DCAF5: variants seen among roughly 807,000 people sequenced by gnomAD.
The protein encoded by DCAF5 is DDB1 and CUL4 associated factor 5, also known as DDB1- and CUL4-associated factor 5.
A neutral mutation model predicts 80.7 loss-of-function variants in DCAF5; 9 were observed. The ratio of observed to expected loss-of-function variants is 0.11; its 90% confidence interval spans 0.07 to 0.19. The LOEUF (loss-of-function observed/expected upper bound fraction) is 0.19, where lower values mean the gene tolerates loss of function less well. DCAF5 is among the 10% of genes least tolerant of loss of function. The probability of loss-of-function intolerance (pLI) is 1.00; values close to 1 mark genes in which losing one functional copy is unlikely to be tolerated. For missense variants in DCAF5, 842 were observed against 1,205.7 expected (o/e 0.70, Z 4.47); for synonymous variants, 433 against 461.9 (o/e 0.94, Z 0.80).
intron 1 of DCAF5, among the ~76,000 whole-genome samples, chr14:69,140,082 G>A (rs768836088): frequency 2.2e-4 from 33 of 151,952 alleles, no homozygotes; most frequent in Non-Finnish European, 3.5e-4. Context: ...CCTGGGCGAC[G>A]TAGAGAAATC....
intron 5 of DCAF5, among the ~76,000 whole-genome samples, chr14:69,099,299 C>CACACA (rs3223006): frequency 3.6e-5 from 5 of 138,240 alleles, no homozygotes; most frequent in African/African-American, 1.4e-4. Context: ...CACACACACA[C>CACACA]AACTAACAAA....
intron 7 of DCAF5, among the ~76,000 whole-genome samples, chr14:69,073,929 T>C (rs1465331694): frequency 6.6e-6 from 1 of 152,228 alleles, no homozygotes; most frequent in Non-Finnish European, 1.5e-5. Flanking sequence ...CCACCTCAAG[T>C]GCTAGAACAT....
intron 6 of DCAF5, among the ~76,000 whole-genome samples, chr14:69,087,757 C>T (rs1421675769): frequency 6.6e-6 from 1 of 152,040 alleles, no homozygotes; most frequent in Non-Finnish European, 1.5e-5. Flanking sequence ...TAAATATATG[C>T]TCTCTTATTT....
intron 1 of DCAF5, among the ~76,000 whole-genome samples, chr14:69,125,069 A>C (rs1325705536): frequency 1.3e-5 from 2 of 152,218 alleles, no homozygotes; most frequent in Non-Finnish European, 2.9e-5. Flanking sequence ...CAAAAGAGTA[A>C]TATGCCAACA....
intron 7 of DCAF5, among the ~76,000 whole-genome samples, chr14:69,073,980 G>A (rs2038804424): frequency 6.6e-6 from 1 of 152,210 alleles, no homozygotes; most frequent in Non-Finnish European, 1.5e-5. Flanking sequence ...CCATTTGCTT[G>A]TGTCAAAGGT....
At chr14:69,068,798 C>T in intron 7 of DCAF5, among the ~76,000 whole-genome samples, 1 of 151,974 alleles carries the variant, frequency 6.6e-6, no homozygotes, top group South Asian at 2.1e-4. Context: ...TCAAAAAGGC[C>T]CAAGTGAACA....
chr14:69,149,842 T>G (rs559977941), intron 1 of DCAF5, among the ~76,000 whole-genome samples: 1 of 152,308 alleles, frequency 6.6e-6, no homozygotes, highest in African/African-American at 2.4e-5. Context: ...CAGAATACTG[T>G]GCTCCCCCAC....
chr14:69,070,818 A>C (rs1165962257), intron 7 of DCAF5, among the ~76,000 whole-genome samples: 2 of 141,986 alleles, frequency 1.4e-5, no homozygotes, highest in Non-Finnish European at 1.5e-5. Flanking sequence ...TTCTTTTTTG[A>C]GACGGAGTCT....
At chr14:69,142,141 T>A (rs11846184) in intron 1 of DCAF5, among the ~76,000 whole-genome samples, 7,748 of 151,730 alleles carry the variant, frequency 0.051, 278 homozygotes, top group African/African-American at 0.11. Context: ...CAAAAAAAAA[T>A]TTTTTTTAAT....
chr14:69,109,595 T>A (rs916999141), intron 5 of DCAF5, among the ~76,000 whole-genome samples: 2 of 152,230 alleles, frequency 1.3e-5, no homozygotes, highest in Non-Finnish European at 1.5e-5. Flanking sequence ...TGAATTCTTT[T>A]ATTCAATATT....
chr14:69,097,074 G>T (rs1594989026), intron 5 of DCAF5, among the ~76,000 whole-genome samples: 1 of 152,078 alleles, frequency 6.6e-6, no homozygotes, highest in Non-Finnish European at 1.5e-5. Context: ...CTGAGTATTA[G>T]GTGACAAGGC....
intron 1 of DCAF5, among the ~76,000 whole-genome samples, chr14:69,131,756 A>T (rs1456937543): frequency 3.6e-5 from 5 of 138,230 alleles, no homozygotes; most frequent in South Asian, 2.2e-4. Context: ...AGCACTTTCC[A>T]GGCTTTTTTT....
At chr14:69,105,179 T>C (rs746804349) in intron 5 of DCAF5, among the ~76,000 whole-genome samples, 5 of 152,116 alleles carry the variant, frequency 3.3e-5, no homozygotes, top group African/African-American at 7.2e-5. Context: ...TCAAAAAAAA[T>C]TTGTTCACGA....
chr14:69,113,108 G>A (rs1462845653), intron 5 of DCAF5, among the ~76,000 whole-genome samples: 1 of 152,002 alleles, frequency 6.6e-6, no homozygotes, highest in Non-Finnish European at 1.5e-5. Flanking sequence ...TATACCTTCA[G>A]GCTACCAAGT....
At position 69,055,902 on chromosome 14, in the gene DCAF5, T is replaced by C. The variant is rs1458128099; in HGVS notation, c.1075-291A>G. Among the ~76,000 whole-genome samples, 2 of 152,206 alleles carry C rather than the reference T, an allele frequency of 1.3e-5. No homozygotes were observed. The highest frequency in any genetic ancestry group is 1.5e-5 in the Non-Finnish European group (1 of 68,036). On this transcript the variant is annotated intron_variant, in intron 8 of 8. Coordinates refer to ENST00000341516, the MANE Select transcript of DCAF5 (RefSeq NM_003861.3). This position sits in a 1 kb window ranked among gnomAD's most constrained non-coding sequence, Gnocchi z 5.6. ...TGTCTCTTGGCCCAGGGTAATCACA[T>C]ACTTTCTCCACCAGAATCTTCCTCC...
chr14:69,069,920 C>T (rs947895632), intron 7 of DCAF5, among the ~76,000 whole-genome samples: 3 of 152,142 alleles, frequency 2.0e-5, no homozygotes, highest in East Asian at 3.9e-4. Flanking sequence ...TGTGCCCAGC[C>T]GAGAAGGCTT....
intron 4 of DCAF5, among the ~76,000 whole-genome samples, chr14:69,117,764 T>G (rs1411869520): frequency 6.6e-6 from 1 of 152,134 alleles, no homozygotes; most frequent in Admixed American, 6.6e-5. Flanking sequence ...GATTCGGTGG[T>G]TCTTTCAACA....
intron 8 of DCAF5, among the ~76,000 whole-genome samples, chr14:69,060,831 C>G (rs2038185131): frequency 6.6e-6 from 1 of 152,078 alleles, no homozygotes. Flanking sequence ...CACGCCTGGC[C>G]TCAATATTTT....
In DCAF5 at chr14:69,054,464, G is replaced by A. The variant is rs145705724; in HGVS notation, c.2222C>T (p.Pro741Leu). The change falls in exon 9 of 9, where the codon CCC becomes CTC. Residue 741 changes from proline (P) to leucine (L), a missense_variant. Physicochemically the swap from Pro to Leu is moderately conservative, Grantham distance 98. Transcript: ENST00000341516. ...GTGCTCATGGCCTGGGCCATTGCTG[G>A]GAGTTCTAGGAGTCTCTTCTTTAAA... ...DTFKEETPRT[P>L]SNGPGHEHSS... 8.6e-5 allele frequency: 138 copies of A among 1,613,912 alleles called. 1 individual carries two copies. Among genetic ancestry groups the A allele is most frequent in the South Asian group, 1.1e-4 (10 of 91,090 alleles).
Sources: gnomAD v4.1 joint callset for allele counts (sites outside exome capture counted in the v4.1 genomes callset) on GRCh38, gnomAD v4.1.1 for gene constraint, Gnocchi (gnomAD v3.1) non-coding constraint, MANE v1.5 for transcripts, NCBI Gene and HGNC (gene_info 2026-07-23, HGNC 2026-07-21) for gene names.